The following HPSE2 variants were observed in gnomAD, a reference collection of about 807,000 sequenced individuals.
HPSE2 encodes the protein inactive heparanase-2.
HPSE2 carries 38 observed loss-of-function variants against 60.5 expected under a neutral mutation model. The observed-to-expected ratio is 0.63, with a 90% confidence interval of 0.48 to 0.82. HPSE2 has a LOEUF of 0.82. Among genes scored for constraint, HPSE2 ranks in the 40% least tolerant of loss-of-function variants. HPSE2 has a pLI of 0.00. For synonymous variants in HPSE2, 295 were observed against 293.2 expected, an observed-to-expected ratio of 1.01 and a Z score of -0.06; for missense variants, 713 against 740.4, an observed-to-expected ratio of 0.96 and a Z score of 0.43.
the HPSE2 span, among the ~76,000 whole-genome samples, chr10:99,292,665 T>A: frequency 6.6e-6 from 1 of 152,230 alleles, no homozygotes; most frequent in East Asian, 1.9e-4. Flanking sequence ...ATTTTAATAA[T>A]ATATTTTATT....
intron 9 of HPSE2, among the ~76,000 whole-genome samples, chr10:98,497,446 G>T (rs1468808242): frequency 6.6e-6 from 1 of 152,044 alleles, no homozygotes; most frequent in Non-Finnish European, 1.5e-5. Flanking sequence ...ATAATTCTGT[G>T]TCTAGATTTT....
At chr10:99,117,438 A>C (rs1174221254) in intron 3 of HPSE2, among the ~76,000 whole-genome samples, 1 of 142,134 alleles carries the variant, frequency 7.0e-6, no homozygotes, top group Non-Finnish European at 1.6e-5. Flanking sequence ...AAAAAAAAAA[A>C]AAAAAAAAAA....
chr10:98,872,738 G>A (rs972474611), intron 3 of HPSE2, among the ~76,000 whole-genome samples: 5 of 151,856 alleles, frequency 3.3e-5, no homozygotes, highest in South Asian at 2.1e-4. Flanking sequence ...GAAAATATCC[G>A]GAAAATGCTA....
At chr10:98,993,008 C>G (rs1222410381) in intron 3 of HPSE2, among the ~76,000 whole-genome samples, 1 of 152,184 alleles carries the variant, frequency 6.6e-6, no homozygotes, top group Admixed American at 6.6e-5. Context: ...ATTGTATTTT[C>G]TTGTCCCTTC....
intron 11 of HPSE2, among the ~76,000 whole-genome samples, chr10:98,479,614 G>A (rs145355139): frequency 1.4e-3 from 213 of 152,268 alleles, no homozygotes; most frequent in African/African-American, 4.6e-3. Flanking sequence ...GCCCAGGATC[G>A]AGCCAATGAG....
intron 2 of HPSE2, among the ~76,000 whole-genome samples, chr10:99,184,522 CAA>C (rs200059066): frequency 6.6e-5 from 4 of 60,768 alleles, no homozygotes; most frequent in African/African-American, 4.8e-4. Flanking sequence ...GAGACTGTCT[CAA>C]AAAAAAAAAA....
intron 3 of HPSE2, among the ~76,000 whole-genome samples, chr10:98,980,581 C>T (rs1330812756): frequency 1.3e-5 from 2 of 152,118 alleles, no homozygotes; most frequent in East Asian, 1.9e-4. Context: ...TTGAACAGTT[C>T]GAACAGTCAG....
rs188205931 is a variant in HPSE2, at chr10:99,136,220, T to C, written c.610+8018A>G. 1.3e-4 allele frequency among the ~76,000 whole-genome samples: 20 copies of C among 152,022 alleles called. No individual in the cohort carries two copies. In the East Asian group the frequency reaches 3.1e-3, roughly 24 times the overall value. On this transcript the variant is annotated intron_variant, in intron 3 of 11. Transcript: ENST00000370552. ...GTCGAATCTCTGAAAAAACCAATAA[T>C]AAGTTCGGAAATTGAAGCAGTAATT... is the stretch of plus-strand genomic sequence containing the variant.
chr10:98,934,179 A>G (rs1954724127), intron 3 of HPSE2, among the ~76,000 whole-genome samples: 1 of 144,082 alleles, frequency 6.9e-6, no homozygotes, highest in South Asian at 2.1e-4. Context: ...TTTGCACATG[A>G]GATGTGTCTC....
At chr10:98,715,887 G>C (rs1024788913) in intron 5 of HPSE2, among the ~76,000 whole-genome samples, 4 of 151,884 alleles carry the variant, frequency 2.6e-5, no homozygotes, top group African/African-American at 9.7e-5. Flanking sequence ...TAAAACAACA[G>C]GGATGTTTGC....
chr10:99,114,417 T>TAA (rs1844591322), intron 3 of HPSE2, among the ~76,000 whole-genome samples: 1 of 152,204 alleles, frequency 6.6e-6, no homozygotes, highest in Non-Finnish European at 1.5e-5. Context: ...ACAGGAGAGC[T>TAA]AAAGTTAAAA....
intron 2 of HPSE2, among the ~76,000 whole-genome samples, chr10:99,159,548 TACTTA>T (rs1432358026): frequency 2.0e-5 from 3 of 152,312 alleles, no homozygotes; most frequent in Non-Finnish European, 2.9e-5. Flanking sequence ...GTCTGTAGCT[TACTTA>T]ACTTTTCTGT....
chr10:98,952,314 TTGTG>T (rs59116303), intron 3 of HPSE2, among the ~76,000 whole-genome samples: 14,473 of 137,272 alleles, frequency 0.11, 747 homozygotes, highest in East Asian at 0.19. Flanking sequence ...AAGAATTTGT[TTGTG>T]TGTGTGTGTG....
intron 3 of HPSE2, among the ~76,000 whole-genome samples, chr10:98,879,364 T>C (rs775780676): frequency 4.3e-4 from 66 of 152,080 alleles, no homozygotes; most frequent in Non-Finnish European, 1.0e-4. Context: ...ATTTCCTATA[T>C]ACTACTTCTG....
intron 3 of HPSE2, among the ~76,000 whole-genome samples, chr10:98,777,459 C>A (rs1042534699): frequency 4.6e-5 from 7 of 152,006 alleles, no homozygotes; most frequent in Non-Finnish European, 1.0e-4. Context: ...ATGGGAAAAC[C>A]AAGGCAAAAC....
At chr10:98,639,011 C>T (rs1188318897) in intron 7 of HPSE2, among the ~76,000 whole-genome samples, 1 of 152,156 alleles carries the variant, frequency 6.6e-6, no homozygotes, top group Non-Finnish European at 1.5e-5. Flanking sequence ...CTTGCCACTC[C>T]CGCATTGAAA....
At chr10:99,042,009 T>C (rs1351737562) in intron 3 of HPSE2, among the ~76,000 whole-genome samples, 1 of 152,184 alleles carries the variant, frequency 6.6e-6, no homozygotes, top group African/African-American at 2.4e-5. Context: ...CCTTCACATG[T>C]ATAGTTTTTA....
chr10:98,505,605 T>C (rs1314909017), intron 9 of HPSE2, among the ~76,000 whole-genome samples: 1 of 152,212 alleles, frequency 6.6e-6, no homozygotes, highest in Admixed American at 6.5e-5. Context: ...TCCTTCCCTA[T>C]AACTAGTTCA....
chr10:98,712,830 A>ATTC (rs747028903), intron 5 of HPSE2, among the ~76,000 whole-genome samples: 1 of 152,110 alleles, frequency 6.6e-6, no homozygotes, highest in Non-Finnish European at 1.5e-5. Flanking sequence ...ATTAACTTCC[A>ATTC]TTCTTCATTC....
Sources: gnomAD v4.1 joint callset for allele counts (sites outside exome capture counted in the v4.1 genomes callset) on GRCh38, gnomAD v4.1.1 for gene constraint, MANE v1.5 for transcripts, NCBI Gene and HGNC (gene_info 2026-07-23, HGNC 2026-07-21) for gene names.